Variants in TNS1 observed in about 807,000 individuals in gnomAD.
TNS1 encodes the protein tensin-1.
In TNS1, 62 loss-of-function variants were observed where a neutral mutation model predicts 168.6. The observed-to-expected ratio is 0.37, with a 90% CI of 0.30 to 0.45. The LOEUF is 0.45. Ranked by LOEUF, TNS1 falls within the 20% of genes least tolerant of loss-of-function variation. The pLI, the probability that TNS1 is intolerant of heterozygous loss-of-function variation, is 1.00. For synonymous variants in TNS1, 934 were observed against 933.2 expected (o/e 1.00, Z -0.02); for missense variants, 2,240 against 2,339.4 (o/e 0.96, Z 0.88).
At chr2:217,933,209 G>A (rs1422767402) in intron 3 of TNS1, among the ~76,000 whole-genome samples, 4 of 152,162 alleles carry the variant, frequency 2.6e-5, no homozygotes, top group Non-Finnish European at 4.4e-5. Context: ...AGAGATGCAC[G>A]TATCTGAAAC....
At chr2:217,836,342 A>C (rs1318080906) in intron 19 of TNS1, 131 bp from the exon 20 acceptor site, 1 of 870,472 alleles carries the variant, frequency 1.1e-6, no homozygotes, top group Non-Finnish European at 1.7e-6. Flanking sequence ...GTCATCCCCC[A>C]TTGTCTTCCC....
intron 19 of TNS1, among the ~76,000 whole-genome samples, chr2:217,843,684 C>T (rs577193673): frequency 6.6e-6 from 1 of 152,152 alleles, no homozygotes; most frequent in African/African-American, 2.4e-5. Flanking sequence ...TAATCTCCTG[C>T]CCTTCCTCCT....
chr2:217,903,665 A>C, intron 6 of TNS1: 1 of 1,429,450 alleles, frequency 7.0e-7, no homozygotes, highest in Non-Finnish European at 9.5e-7. Context: ...ACAGCCTCCC[A>C]GACAGAGTGT....
chr2:218,005,148 G>A (rs1041707857), upstream of TNS1, among the ~76,000 whole-genome samples: 3 of 152,198 alleles, frequency 2.0e-5, no homozygotes, highest in African/African-American at 4.8e-5. Flanking sequence ...CAAGCTCCCC[G>A]CTGCCTGCTC....
chr2:217,816,207 G>A (rs375820228), intron 24 of TNS1, among the ~76,000 whole-genome samples: 5 of 152,258 alleles, frequency 3.3e-5, no homozygotes, highest in East Asian at 1.9e-4. Flanking sequence ...TAAGCATCAG[G>A]ATGTGCGGCC....
intron 1 of TNS1, among the ~76,000 whole-genome samples, chr2:218,019,818 T>C (rs1958792084): frequency 6.6e-6 from 1 of 152,110 alleles, no homozygotes; most frequent in Admixed American, 6.5e-5. Flanking sequence ...TGCCTCCTGA[T>C]ACCTGCCCTC....
At chr2:217,867,984 T>C (rs1290011473) in intron 18 of TNS1, among the ~76,000 whole-genome samples, 1 of 152,250 alleles carries the variant, frequency 6.6e-6, no homozygotes, top group Non-Finnish European at 1.5e-5. Flanking sequence ...TGTTTTTAAA[T>C]GTGTTATTGT....
At position 217,881,217 on chromosome 2, in the gene TNS1, A is replaced by G. The variant is rs914767181; in HGVS notation, c.1313-203T>C. The G allele has an allele frequency of 5.2e-6, 3 of 576,940 alleles. No homozygotes were observed. The African/African-American group carries it at 5.6e-5, about 11-fold the overall frequency. 35.7% of individuals were successfully genotyped at this position (576,940 alleles called of 1,614,324 possible). A position where few individuals can be genotyped will look rare whatever the true frequency, so the allele number is the denominator to read the frequency against. ...GGAGTCTAGTTTCTCACATTCTTGAAAAGGCTCATGCCGGGTCATAGGGGT... is the reference window on the plus strand; with the variant it reads ...GGAGTCTAGTTTCTCACATTCTTGAGAAGGCTCATGCCGGGTCATAGGGGT... On this transcript the variant is annotated intron_variant, in intron 17 of 32. Coordinates refer to ENST00000682258, the MANE Select transcript of TNS1 (RefSeq NM_001387777.1).
intron 2 of TNS1, among the ~76,000 whole-genome samples, chr2:217,981,185 A>G (rs1958039066): frequency 1.3e-5 from 2 of 152,222 alleles, no homozygotes; most frequent in South Asian, 4.1e-4. Context: ...AAGGAGGCCC[A>G]TCCCCTGGGC....
At chr2:217,849,334 G>A (rs950202628) in intron 18 of TNS1, among the ~76,000 whole-genome samples, 3 of 152,194 alleles carry the variant, frequency 2.0e-5, no homozygotes, top group Non-Finnish European at 4.4e-5. Context: ...TGAGCAGGAA[G>A]TGCTGGGGGC....
intron 22 of TNS1, among the ~76,000 whole-genome samples, chr2:217,829,256 A>C (rs1319391030): frequency 6.6e-6 from 1 of 151,460 alleles, no homozygotes; most frequent in Non-Finnish European, 1.5e-5. Flanking sequence ...GTGGTGGTGC[A>C]TGCCTGTAAT....
chr2:217,873,440 G>A (rs1949945858), intron 18 of TNS1, among the ~76,000 whole-genome samples: 1 of 152,218 alleles, frequency 6.6e-6, no homozygotes, highest in Admixed American at 6.5e-5. Context: ...GCGCATGGAG[G>A]ATGTGAAAGA....
rs58959120 is a variant in TNS1 at position 217,984,750 on chromosome 2, CTT to C, written c.149-5950_149-5949del. ...TCAAGTGGTCCTCCCACCTCAGCCT[CTT>C]TTTTTTTTTTTTTTTCCCCCCAAGA... On this transcript the variant is annotated intron_variant, in intron 2 of 32. Coordinates refer to ENST00000682258, the MANE Select transcript of TNS1 (RefSeq NM_001387777.1). 4.0e-3 allele frequency among the ~76,000 whole-genome samples: 536 copies of C among 135,684 alleles called. 2 individuals are homozygous for C. The highest frequency in any genetic ancestry group is 0.028 in the South Asian group (118 of 4,242). 89.0% of individuals were successfully genotyped at this position (135,684 alleles called of 152,430 possible).
intron 3 of TNS1, among the ~76,000 whole-genome samples, chr2:217,929,351 C>T (rs1956195335): frequency 6.6e-6 from 1 of 152,190 alleles, no homozygotes; most frequent in South Asian, 2.1e-4. Flanking sequence ...CTAGGCCGGA[C>T]TTCTTAGGAG....
At chr2:218,002,410 A>C (rs1043131751) in intron 1 of TNS1, among the ~76,000 whole-genome samples, 18 of 152,052 alleles carry the variant, frequency 1.2e-4, no homozygotes, top group African/African-American at 4.8e-5. Flanking sequence ...TTGGACTACT[A>C]TTCTTTGCTC....
chr2:217,822,323 C>A (rs73992635), intron 22 of TNS1, among the ~76,000 whole-genome samples: 71 of 152,310 alleles, frequency 4.7e-4, no homozygotes, highest in African/African-American at 1.5e-3. Flanking sequence ...TGGGGCCCTA[C>A]AGTGGGCCCA....
chr2:217,810,233 C>T lies in TNS1; in HGVS notation c.5104+15G>A. The T allele has an allele frequency of 6.2e-7, 1 of 1,613,580 alleles. No homozygotes were observed. The highest frequency in any genetic ancestry group is 8.5e-7 in the Non-Finnish European group (1 of 1,179,894). ...AGAGGCCTGGGCATGGGTACAGTTT[C>T]AGGTGACCACTCACCTGCCCCTTGT... On this transcript the variant is annotated intron_variant, in intron 29 of 32. Coordinates refer to ENST00000682258, the MANE Select transcript of TNS1 (RefSeq NM_001387777.1).
At chr2:217,950,304 C>T (rs939969786) in intron 3 of TNS1, among the ~76,000 whole-genome samples, 1 of 152,222 alleles carries the variant, frequency 6.6e-6, no homozygotes, top group Non-Finnish European at 1.5e-5. Flanking sequence ...CCACGTGCAC[C>T]TCCACTGTCT....
chr2:217,847,713 T>C lies in TNS1; in HGVS notation c.2804A>G (p.His935Arg), dbSNP rs759508942. The C allele has an allele frequency of 1.7e-5, 28 of 1,605,478 alleles. No individual in the cohort carries two copies. The highest frequency in any genetic ancestry group is 2.7e-5 in the African/African-American group (2 of 74,760). ...GGAGGAAGAGGCTGGGCTCTTTGAA[T>C]GGAAATCCTGGTTAGGCCCAGCCAA... ...PCLAGPNQDF[H>R]SKSPASSSLP... is the part of the protein sequence containing the mutation. Residue 935 changes from histidine (H) to arginine (R), a missense_variant, in exon 19 of 33, where the codon CAT becomes CGT. Physicochemically the swap from His to Arg is conservative, Grantham distance 29. Around this residue, in one of 2 missense-constraint regions of TNS1, gnomAD observed 2,131 missense variants for 2,171.2 expected, o/e 0.98. Coordinates refer to ENST00000682258, the MANE Select transcript of TNS1 (RefSeq NM_001387777.1).
Sources: gnomAD v4.1 joint callset for allele counts (sites outside exome capture counted in the v4.1 genomes callset) on GRCh38, gnomAD v4.1.1 for gene constraint, gnomAD v4.1.1 regional missense constraint, MANE v1.5 for transcripts, NCBI Gene and HGNC (gene_info 2026-07-23, HGNC 2026-07-21) for gene names.